The following TMEM255A variants were observed in gnomAD, a reference collection of about 807,000 sequenced individuals.
TMEM255A encodes transmembrane protein 255A.
A neutral mutation model predicts 23.5 loss-of-function variants in TMEM255A; 14 were observed. The ratio of observed to expected loss-of-function variants is 0.60; its 90% CI spans 0.39 to 0.93. The LOEUF (loss-of-function observed/expected upper bound fraction) is 0.93, where lower values mean the gene tolerates loss of function less well. Among genes scored for constraint, TMEM255A ranks in the 40% least tolerant of loss-of-function variants. The probability of loss-of-function intolerance (pLI) is 0.00; values close to 1 mark genes in which losing one functional copy is unlikely to be tolerated. For missense variants in TMEM255A, 233 were observed against 261.7 expected (o/e 0.89, Z 0.76); for synonymous variants, 104 against 100.3 (o/e 1.04, Z -0.22).
rs1206200191 is a variant in TMEM255A at position 120,260,925 on chromosome X, C to T, written c.923G>A (p.Arg308His). The change falls in exon 9 of 9, where the codon CGT becomes CAT. Residue 308 changes from arginine to histidine, a missense_variant. Arg to His is a conservative substitution (Grantham distance 29, BLOSUM62 0). Transcript: ENST00000371369. ...AGGTGGATAGTAGGGTGGAGAGTAA[C>T]GGGGCGGTGCACTTGAGGACCACAT... ...SYMWSSSAPP[R>H]YSPPYYPPFE... is the part of the protein sequence containing the mutation. 9 of 1,196,933 alleles carry T rather than the reference C, an allele frequency of 7.5e-6. No homozygotes were observed. The East Asian group carries it at 9.1e-5, about 12-fold the overall frequency.
At chrX:120,276,647 C>G (rs928905968) in intron 7 of TMEM255A, among the ~76,000 whole-genome samples, 63 of 111,329 alleles carry the variant, frequency 5.7e-4, no homozygotes, top group African/African-American at 2.0e-3. Context: ...CTTTCACCCC[C>G]CACCCCTAGA....
intron 2 of TMEM255A, among the ~76,000 whole-genome samples, chrX:120,294,262 G>A (rs1228920371): frequency 9.2e-6 from 1 of 108,446 alleles, no homozygotes; most frequent in African/African-American, 3.4e-5. Flanking sequence ...GTGAAACCCC[G>A]TCTCTACTAA....
chrX:120,311,015 G>C (rs1433329521), intron 1 of TMEM255A, among the ~76,000 whole-genome samples: 6 of 110,135 alleles, frequency 5.4e-5, no homozygotes, highest in Admixed American at 9.5e-5. Context: ...CGCACTCCGG[G>C]GCAGAGATAC....
chrX:120,265,815 C>A (rs1164989703), intron 8 of TMEM255A, among the ~76,000 whole-genome samples: 1 of 110,764 alleles, frequency 9.0e-6, no homozygotes, highest in Non-Finnish European at 1.9e-5. Context: ...ATGCTTAGTA[C>A]ATAGTAAGTA....
downstream of TMEM255A, chrX:120,257,913 T>C (rs1482752554): frequency 3.2e-5 from 4 of 123,463 alleles, no homozygotes; most frequent in Admixed American, 9.5e-5. Context: ...CTATGCTAAA[T>C]TACCTGTAAA....
At chrX:120,265,105 G>A (rs912178011) in intron 8 of TMEM255A, among the ~76,000 whole-genome samples, 1 of 111,140 alleles carries the variant, frequency 9.0e-6, no homozygotes, top group African/African-American at 3.3e-5. Context: ...TCGAACTCCC[G>A]ACCTCAGGTG....
At chrX:120,265,377 C>T (rs1239913703) in intron 8 of TMEM255A, among the ~76,000 whole-genome samples, 1 of 111,788 alleles carries the variant, frequency 8.9e-6, no homozygotes, top group South Asian at 3.7e-4. Context: ...ACATCTTGAG[C>T]CTAGGGAAAG....
intron 1 of TMEM255A, 71 bp downstream of exon 1, chrX:120,311,181 C>T (rs1255867674): frequency 1.7e-4 from 163 of 943,774 alleles, no homozygotes; most frequent in Non-Finnish European, 2.3e-4. Flanking sequence ...GCAGCTGGGG[C>T]GTTCACAGTC....
chrX:120,252,266 T>G, the TMEM255A span, among the ~76,000 whole-genome samples: 1 of 111,305 alleles, frequency 9.0e-6, no homozygotes, highest in Non-Finnish European at 1.9e-5. Flanking sequence ...TAAAAATATT[T>G]CTTCACTAAA....
chrX:120,298,877 T>TAGGG (rs782003636), intron 2 of TMEM255A, among the ~76,000 whole-genome samples: 1 of 97,871 alleles, frequency 1.0e-5, no homozygotes, highest in East Asian at 3.3e-4. Context: ...ACAGAGCACC[T>TAGGG]AGAGAGAGAG....
At chrX:120,253,945 A>G (rs781937795), downstream of TMEM255A, 6 of 1,204,798 alleles carry the variant, frequency 5.0e-6, no homozygotes, top group Non-Finnish European at 6.7e-6. Flanking sequence ...TCTGCCGAAG[A>G]TTATGAAATG....
At chrX:120,304,008 A>G (rs1392776885) in intron 2 of TMEM255A, among the ~76,000 whole-genome samples, 1 of 111,138 alleles carries the variant, frequency 9.0e-6, no homozygotes, top group African/African-American at 3.3e-5. Flanking sequence ...GATGACCTCT[A>G]TTATATATGG....
intron 6 of TMEM255A, 49 bp downstream of exon 6, chrX:120,285,078 G>T: frequency 9.6e-7 from 1 of 1,043,435 alleles, no homozygotes; most frequent in Non-Finnish European, 1.3e-6. Flanking sequence ...CCCTTCTAGT[G>T]TCCGTTGTGG....
At chrX:120,254,988 C>T (rs782134592), downstream of TMEM255A, 2 of 1,211,690 alleles carry the variant, frequency 1.7e-6, no homozygotes, top group Non-Finnish European at 2.2e-6. Context: ...GTATCCGTGC[C>T]GTTACTGTGA....
At chrX:120,275,158 G>A (rs1556019503) in intron 7 of TMEM255A, among the ~76,000 whole-genome samples, 1 of 112,146 alleles carries the variant, frequency 8.9e-6, no homozygotes, top group East Asian at 2.8e-4. Flanking sequence ...CTTCCTCAAG[G>A]CCAAATTTAC....
intron 1 of TMEM255A, among the ~76,000 whole-genome samples, chrX:120,309,351 A>G (rs1468391508): frequency 2.7e-5 from 3 of 113,191 alleles, no homozygotes; most frequent in Non-Finnish European, 3.7e-5. Flanking sequence ...GAGAAACACA[A>G]GATCGCTGAG....
At chrX:120,252,611 A>G in the TMEM255A span, 1 of 112,143 alleles carries the variant, frequency 8.9e-6, no homozygotes, top group Non-Finnish European at 1.9e-5. Flanking sequence ...TTTTCTTGGA[A>G]GTGGGCATTT....
chrX:120,296,380 CTCTATTCTATTCTAT>C (rs5903573), intron 2 of TMEM255A, among the ~76,000 whole-genome samples: 34 of 74,073 alleles, frequency 4.6e-4, no homozygotes, highest in South Asian at 1.5e-3. Flanking sequence ...TCCCCTTCTC[CTCTATTCTATTCTAT>C]TCTATTCTAT....
chrX:120,258,031 A>G (rs1374412497), downstream of TMEM255A: 1 of 123,257 alleles, frequency 8.1e-6, no homozygotes, highest in African/African-American at 3.2e-5. Flanking sequence ...TTGCGAGACT[A>G]ACTTTAAAAT....
Sources: allele counts gnomAD v4.1 joint callset (sites outside exome capture counted in the v4.1 genomes callset), GRCh38; gene constraint gnomAD v4.1.1; transcripts MANE v1.5; gene names NCBI Gene and HGNC (gene_info 2026-07-23, HGNC 2026-07-21).